L3MBTL3: variants seen among roughly 807,000 people sequenced by gnomAD.
L3MBTL3 encodes lethal(3)malignant brain tumor-like protein 3.
L3MBTL3 carries 27 observed loss-of-function variants against 102.3 expected under a neutral mutation model. The ratio of observed to expected loss-of-function variants is 0.26; its 90% confidence interval spans 0.19 to 0.36. L3MBTL3 has a LOEUF of 0.36. Ranked by LOEUF, L3MBTL3 falls within the 10% of genes least tolerant of loss-of-function variation. The pLI is 1.00. For missense variants in L3MBTL3, 798 were observed against 955.3 expected (o/e 0.84, Z 2.17); for synonymous variants, 340 against 320.9 (o/e 1.06, Z -0.64).
chr6:130,067,846 C>A (rs919846702), intron 11 of L3MBTL3, among the ~76,000 whole-genome samples: 2 of 152,126 alleles, frequency 1.3e-5, no homozygotes, highest in African/African-American at 2.4e-5. Flanking sequence ...TGCCAGCATC[C>A]TTACTTCATA....
intron 19 of L3MBTL3, among the ~76,000 whole-genome samples, chr6:130,116,218 A>G (rs745832776): frequency 4.6e-5 from 7 of 152,212 alleles, no homozygotes; most frequent in Non-Finnish European, 8.8e-5. Context: ...TCATGCTCCT[A>G]CTTAAGTGCC....
chr6:130,136,853 A>G (rs1301181107), intron 22 of L3MBTL3, among the ~76,000 whole-genome samples: 1 of 152,096 alleles, frequency 6.6e-6, no homozygotes. Context: ...CCTGACCTCA[A>G]GTGATCCACT....
intron 19 of L3MBTL3, among the ~76,000 whole-genome samples, chr6:130,113,168 G>A (rs1051865171): frequency 1.3e-5 from 2 of 152,156 alleles, no homozygotes; most frequent in African/African-American, 4.8e-5. Flanking sequence ...CATTTGAGAT[G>A]CTTGTTAAAA....
Position 130,064,519 on chromosome 6 carries a change from G to A in L3MBTL3, c.865-1834G>A, listed in dbSNP as rs549425969. 2.0e-5 allele frequency among the ~76,000 whole-genome samples: 3 copies of A among 152,274 alleles called. No individual in the cohort carries two copies. The South Asian group carries it at 6.2e-4, about 32-fold the overall frequency. ...TAAGTCATCCATATGGATGACGAAAGTACTCAGATGGAAAGGAAGAGAATA... is the reference window on the plus strand; with the variant it reads ...TAAGTCATCCATATGGATGACGAAAATACTCAGATGGAAAGGAAGAGAATA... On this transcript the variant is annotated intron_variant, in intron 10 of 22. Transcript: ENST00000361794.
At chr6:130,076,464 A>T (rs777228423) in intron 13 of L3MBTL3, among the ~76,000 whole-genome samples, 12 of 152,026 alleles carry the variant, frequency 7.9e-5, no homozygotes, top group South Asian at 6.2e-4. Flanking sequence ...GATTTTTTTT[A>T]AAATAGGTTA....
At position 130,034,333 on chromosome 6, in the gene L3MBTL3, C is replaced by T. The variant is rs990422845; in HGVS notation, c.-15-8352C>T. Among the ~76,000 whole-genome samples, 6 of 152,130 alleles carry T rather than the reference C, an allele frequency of 3.9e-5. 1 individual carries two copies. Among genetic ancestry groups the T allele is most frequent in the African/African-American group, 1.2e-4 (5 of 41,424 alleles). On this transcript the variant is annotated intron_variant, in intron 2 of 22. Coordinates refer to ENST00000361794, the MANE Select transcript of L3MBTL3 (RefSeq NM_032438.4). ...AATCATTTTAGCACATAATTCCTTCCGTAAAATTGCTAAAGTAGAATTGGA... is the reference window on the plus strand; with the variant it reads ...AATCATTTTAGCACATAATTCCTTCTGTAAAATTGCTAAAGTAGAATTGGA...
chr6:130,037,161 T>G (rs1401024419), intron 2 of L3MBTL3, among the ~76,000 whole-genome samples: 1 of 152,224 alleles, frequency 6.6e-6, no homozygotes, highest in Non-Finnish European at 1.5e-5. Context: ...GCCTGACACT[T>G]AGTATCTGGT....
chr6:130,062,555 A>ATTTT lies in L3MBTL3; in HGVS notation c.864+2434_864+2437dup, dbSNP rs1175015608. On this transcript the variant is annotated intron_variant, in intron 10 of 22. Transcript: ENST00000361794. ...CGTGTACCACCTGATGCCCAGCTAAATTTTTTTTTTTTTTTTTTTTTTAGA... is the reference window on the plus strand; with the variant it reads ...CGTGTACCACCTGATGCCCAGCTAAATTTTTTTTTTTTTTTTTTTTTTTTTTAGA... Among the ~76,000 whole-genome samples, 29 of 124,226 alleles carry ATTTT rather than the reference A, an allele frequency of 2.3e-4. 1 individual carries two copies. Among genetic ancestry groups the ATTTT allele is most frequent in the Non-Finnish European group, 4.5e-4 (27 of 60,422 alleles). The allele number at this position is 124,226 out of a possible 152,430, so 81.5% of individuals were successfully genotyped here.
intron 3 of L3MBTL3, among the ~76,000 whole-genome samples, chr6:130,044,871 T>C (rs1780630052): frequency 6.6e-6 from 1 of 152,198 alleles, no homozygotes; most frequent in Non-Finnish European, 1.5e-5. Flanking sequence ...AGAAAGAACT[T>C]TGAATGAATC....
chr6:130,078,481 CTA>C (rs1443766678), intron 13 of L3MBTL3, 75 bp from the exon 14 acceptor site: 9 of 965,062 alleles, frequency 9.3e-6, no homozygotes, highest in Middle Eastern at 4.4e-4. Flanking sequence ...CTCATGATCT[CTA>C]GTTTTCTTTT....
At chr6:130,042,457 CTTT>C (rs10563584) in intron 2 of L3MBTL3, among the ~76,000 whole-genome samples, 71,368 of 151,754 alleles carry the variant, frequency 0.47, 19,400 homozygotes, top group East Asian at 0.76. Context: ...TACCATAACA[CTTT>C]TTAACTAAGA....
chr6:130,075,415 C>T (rs1033457019), intron 13 of L3MBTL3, among the ~76,000 whole-genome samples: 2 of 151,832 alleles, frequency 1.3e-5, no homozygotes, highest in African/African-American at 4.8e-5. Flanking sequence ...GTGTTTTGGC[C>T]CAGGGGTAGG....
At chr6:130,082,998 C>T (rs1156430179) in intron 14 of L3MBTL3, among the ~76,000 whole-genome samples, 3 of 152,146 alleles carry the variant, frequency 2.0e-5, no homozygotes, top group Non-Finnish European at 4.4e-5. Flanking sequence ...TACTGGGCCA[C>T]TGTTTATTCC....
chr6:130,139,574 TA>T (rs1788091277), intron 22 of L3MBTL3, 35 bp from the exon 23 acceptor site: 1 of 1,596,022 alleles, frequency 6.3e-7, no homozygotes, highest in Non-Finnish European at 8.6e-7. Flanking sequence ...TGCATCTTGT[TA>T]ATCCACATTC....
chr6:130,139,558 C>T, intron 22 of L3MBTL3, 52 bp from the exon 23 acceptor site: 1 of 1,546,576 alleles, frequency 6.5e-7, no homozygotes, highest in South Asian at 1.1e-5. Flanking sequence ...ATATTTTCTA[C>T]AACACTGCAT....
Position 130,101,137 on chromosome 6 carries a change from A to G in L3MBTL3, c.1737-3289A>G, listed in dbSNP as rs534494118. Among the ~76,000 whole-genome samples the G allele has an allele frequency of 6.6e-5, 10 of 152,328 alleles. No individual in the cohort carries two copies. The South Asian group carries it at 1.7e-3, about 25-fold the overall frequency. On this transcript the variant is annotated intron_variant, in intron 18 of 22. Transcript: ENST00000361794. Reference sequence around the variant, plus strand: ...TAAATTTGCAACAAAAACACACAATATAAGGAACAAATAATAGAGTGGAGT... The same window carrying G: ...TAAATTTGCAACAAAAACACACAATGTAAGGAACAAATAATAGAGTGGAGT...
chr6:130,139,156 G>A (rs1209129747), intron 22 of L3MBTL3, among the ~76,000 whole-genome samples: 5 of 132,566 alleles, frequency 3.8e-5, no homozygotes. Flanking sequence ...TTTCTTCATG[G>A]TGGAAGGCTA....
chr6:130,072,167 AAAT>A (rs61309494), intron 13 of L3MBTL3, among the ~76,000 whole-genome samples: 3,052 of 152,234 alleles, frequency 0.02, 114 homozygotes, highest in African/African-American at 0.07. Context: ...ACAATAATAA[AAAT>A]AATACAAATA....
chr6:130,071,237 C>A, intron 13 of L3MBTL3, 110 bp downstream of exon 13: 1 of 918,664 alleles, frequency 1.1e-6, no homozygotes. Context: ...GTGTTCTGCC[C>A]CACTTTTTCC....
Sources: allele counts gnomAD v4.1 joint callset (sites outside exome capture counted in the v4.1 genomes callset), GRCh38; gene constraint gnomAD v4.1.1; transcripts MANE v1.5; gene names NCBI Gene and HGNC (gene_info 2026-07-23, HGNC 2026-07-21).